The following CCDC117 variants were observed in gnomAD, a reference collection of about 807,000 sequenced individuals.
CCDC117 encodes coiled-coil domain containing 117.
In CCDC117, 1 loss-of-function variant was observed where a neutral mutation model predicts 23.5. The observed-to-expected ratio is 0.04, with a 90% confidence interval of 0.02 to 0.20. CCDC117 has a LOEUF of 0.20. Among genes scored for constraint, CCDC117 ranks in the 10% least tolerant of loss-of-function variants. The pLI, the probability that CCDC117 is intolerant of heterozygous loss-of-function variation, is 1.00. For missense variants in CCDC117, 383 were observed against 348.2 expected (o/e 1.10, Z -0.80); for synonymous variants, 132 against 124.8 (o/e 1.06, Z -0.39).
intron 1 of CCDC117, 114 bp downstream of exon 1, chr22:28,773,148 C>CTT (rs371333400): frequency 3.1e-6 from 1 of 323,652 alleles, no homozygotes; most frequent in East Asian, 1.6e-4. Context: ...CTTTTTGACT[C>CTT]CCTCCCCACG....
chr22:28,782,051 C>T (rs189417700), intron 3 of CCDC117, among the ~76,000 whole-genome samples: 3 of 151,562 alleles, frequency 2.0e-5, no homozygotes, highest in African/African-American at 2.4e-5. Context: ...CATCTGCCCC[C>T]CTCAGCCTCC....
chr22:28,781,822 T>A (rs1020074650), intron 3 of CCDC117, among the ~76,000 whole-genome samples: 7 of 151,758 alleles, frequency 4.6e-5, no homozygotes, highest in Non-Finnish European at 1.0e-4. Flanking sequence ...TTTGTATTTT[T>A]AATAGAGATG....
chr22:28,774,261 G>A lies in CCDC117; in HGVS notation c.239+483G>A, dbSNP rs563874073. The stretch of plus-strand genomic sequence containing the variant: ...TTTTTTTTTTTTTAGTAGAGACGGG[G>A]TTTCACTGTGTTAGCCAGGGTGGTC... On this transcript the variant is annotated intron_variant, in intron 2 of 4. Transcript: ENST00000249064. Among the ~76,000 whole-genome samples, 34 of 151,078 alleles carry A rather than the reference G, an allele frequency of 2.3e-4. No individual in the cohort carries two copies. The South Asian group carries it at 6.9e-3, about 31-fold the overall frequency.
chr22:28,773,437 T>G (rs1029381724), intron 1 of CCDC117: 8 of 403,142 alleles, frequency 2.0e-5, no homozygotes, highest in South Asian at 5.1e-5. Context: ...ATTATTTAAA[T>G]AAAGTGCTTA....
chr22:28,784,330 A>G (rs1217565566), intron 4 of CCDC117, among the ~76,000 whole-genome samples: 2 of 152,212 alleles, frequency 1.3e-5, no homozygotes, highest in Non-Finnish European at 2.9e-5. Flanking sequence ...GCCCCTGAGT[A>G]ATGATTAGCC....
At chr22:28,777,034 G>GTTTT (rs573843364) in intron 2 of CCDC117, among the ~76,000 whole-genome samples, 1 of 128,434 alleles carries the variant, frequency 7.8e-6, no homozygotes, top group African/African-American at 3.0e-5. Flanking sequence ...TACTGTAGCT[G>GTTTT]TTTTTTTTTT....
At chr22:28,782,469 C>T (rs369834055) in intron 3 of CCDC117, among the ~76,000 whole-genome samples, 187 of 151,574 alleles carry the variant, frequency 1.2e-3, no homozygotes, top group Non-Finnish European at 2.0e-3. Flanking sequence ...GACAGAGTCT[C>T]GCTCTGTTGC....
At chr22:28,776,463 C>T (rs1308859226) in intron 2 of CCDC117, among the ~76,000 whole-genome samples, 1 of 151,258 alleles carries the variant, frequency 6.6e-6, no homozygotes, top group African/African-American at 2.4e-5. Flanking sequence ...TGCTCTGTTG[C>T]TCAGGCTGGA....
intron 2 of CCDC117, 27 bp downstream of exon 2, chr22:28,773,805 T>C: frequency 1.9e-6 from 3 of 1,589,310 alleles, no homozygotes; most frequent in Non-Finnish European, 2.6e-6. Context: ...GTTTATTCAC[T>C]CTGTGGTCAC....
intron 2 of CCDC117, among the ~76,000 whole-genome samples, chr22:28,776,291 C>T (rs1249586245): frequency 6.6e-6 from 1 of 152,126 alleles, no homozygotes; most frequent in Non-Finnish European, 1.5e-5. Flanking sequence ...CCTGTGATCC[C>T]AGCCACTCCA....
At chr22:28,783,097 A>G (rs1046676236) in intron 3 of CCDC117, among the ~76,000 whole-genome samples, 1 of 152,010 alleles carries the variant, frequency 6.6e-6, no homozygotes, top group African/African-American at 2.4e-5. Flanking sequence ...GCTGGTGTGC[A>G]ATGGCACGAT....
chr22:28,776,769 A>G (rs908056386), intron 2 of CCDC117, among the ~76,000 whole-genome samples: 2 of 151,576 alleles, frequency 1.3e-5, no homozygotes, highest in Admixed American at 6.6e-5. Context: ...TTTTTAGTAG[A>G]GATGGGGTTT....
At chr22:28,778,567 G>A (rs2031236684) in intron 2 of CCDC117, among the ~76,000 whole-genome samples, 1 of 152,136 alleles carries the variant, frequency 6.6e-6, no homozygotes, top group Non-Finnish European at 1.5e-5. Context: ...CCACTGAACA[G>A]AAAATATTTA....
At chr22:28,779,125 C>T (rs1248265285) in intron 2 of CCDC117, among the ~76,000 whole-genome samples, 1 of 152,064 alleles carries the variant, frequency 6.6e-6, no homozygotes, top group African/African-American at 2.4e-5. Context: ...ACGACACTCG[C>T]CTTATTCTGC....
intron 3 of CCDC117, 78 bp downstream of exon 3, chr22:28,781,250 T>A (rs1416088414): frequency 2.6e-6 from 2 of 773,506 alleles, no homozygotes; most frequent in East Asian, 5.3e-5. Context: ...GTTCTGTTTA[T>A]CATTTGGTGA....
chr22:28,783,538 T>G lies in CCDC117; in HGVS notation c.495T>G (p.Ala165=). 1 of 1,613,834 alleles carries G rather than the reference T, an allele frequency of 6.2e-7. No individual in the cohort carries two copies. Among genetic ancestry groups the G allele is most frequent in the South Asian group, 1.1e-5 (1 of 91,028 alleles). ...TTGATGAAGATGAAGAAGTTGAAGCTGACAGAAATGTTAACCATCTCCCCA... is the reference window on the plus strand; with the variant it reads ...TTGATGAAGATGAAGAAGTTGAAGCGGACAGAAATGTTAACCATCTCCCCA... ...RIIDEDEEVE[A]DRNVNHLPSL... Residue 165 remains alanine (A), a synonymous_variant, in exon 4 of 5, where the codon GCT becomes GCG. Coordinates refer to ENST00000249064, the MANE Select transcript of CCDC117 (RefSeq NM_173510.4).
At position 28,784,690 on chromosome 22, in the gene CCDC117, C is replaced by T. The variant is rs776501553; in HGVS notation, c.602+1045C>T. On this transcript the variant is annotated intron_variant, in intron 4 of 4. Transcript: ENST00000249064. ...TAAATAGCCAGAAGTAAGCTGGTCA[C>T]GTTGCCCTCCAGCCTAAAATATAGC... Among the ~76,000 whole-genome samples the T allele has an allele frequency of 9.2e-5, 14 of 152,320 alleles. No individual in the cohort carries two copies. In the South Asian group the frequency reaches 1.2e-3, roughly 14 times the overall value.
At chr22:28,773,135 G>T (rs2031047692) in intron 1 of CCDC117, 101 bp downstream of exon 1, 2 of 486,668 alleles carry the variant, frequency 4.1e-6, no homozygotes, top group African/African-American at 4.4e-5. Context: ...CTCCGCGCCG[G>T]GGCTTTTTGA....
chr22:28,780,618 C>A (rs1220478037), intron 2 of CCDC117, among the ~76,000 whole-genome samples: 3 of 152,192 alleles, frequency 2.0e-5, no homozygotes, highest in Non-Finnish European at 2.9e-5. Flanking sequence ...AGCCACCACA[C>A]CTAGCCAACT....
Sources: gnomAD v4.1 joint callset for allele counts (sites outside exome capture counted in the v4.1 genomes callset) on GRCh38, gnomAD v4.1.1 for gene constraint, MANE v1.5 for transcripts, NCBI Gene and HGNC (gene_info 2026-07-23, HGNC 2026-07-21) for gene names.